HFM1: variants seen among roughly 807,000 people sequenced by gnomAD.
HFM1 encodes the protein helicase for meiosis 1.
Under a neutral mutation model 192.1 loss-of-function variants are expected in HFM1, and 169 were observed. The ratio of observed to expected loss-of-function variants is 0.88; its 90% CI spans 0.78 to 1.00. The LOEUF is 1.00. Among genes scored for constraint, HFM1 ranks in the 50% least tolerant of loss-of-function variants. The pLI is 0.00. For synonymous variants in HFM1, 525 were observed against 537.8 expected, an observed-to-expected ratio of 0.98 and a Z score of 0.33; for missense variants, 1,661 against 1,668.0, an observed-to-expected ratio of 1.00 and a Z score of 0.07.
At chr1:91,350,937 TAATAA>T (rs1465851777) in intron 17 of HFM1, 66 bp from the exon 18 acceptor site, 2 of 1,304,554 alleles carry the variant, frequency 1.5e-6, no homozygotes, top group Admixed American at 4.3e-5. Context: ...TTTTTAACTT[TAATAA>T]TATAGAATAT....
intron 18 of HFM1, among the ~76,000 whole-genome samples, chr1:91,348,756 C>T (rs756288673): frequency 4.0e-5 from 6 of 151,666 alleles, no homozygotes; most frequent in Non-Finnish European, 8.8e-5. Flanking sequence ...TCTGCCTCTA[C>T]AATTTTTTTT....
chr1:91,326,322 C>T (rs970331945), intron 20 of HFM1, among the ~76,000 whole-genome samples: 1 of 152,124 alleles, frequency 6.6e-6, no homozygotes, highest in African/African-American at 2.4e-5. Context: ...ATTTAATAAT[C>T]AAACTCCCAA....
At chr1:91,293,119 T>A (rs1366327087) in intron 30 of HFM1, among the ~76,000 whole-genome samples, 3 of 152,144 alleles carry the variant, frequency 2.0e-5, no homozygotes, top group Admixed American at 6.5e-5. Flanking sequence ...AACCTAGGCA[T>A]TACCATTCAG....
At chr1:91,357,894 G>A (rs1171766350) in intron 13 of HFM1, among the ~76,000 whole-genome samples, 1 of 152,052 alleles carries the variant, frequency 6.6e-6, no homozygotes. Context: ...TAATTAAGGA[G>A]GTAAAAGATC....
chr1:91,389,336 A>G (rs1456116928), intron 4 of HFM1, among the ~76,000 whole-genome samples: 3 of 151,748 alleles, frequency 2.0e-5, no homozygotes. Context: ...TAATTTTCGT[A>G]TTTTTAGTAG....
intron 25 of HFM1, among the ~76,000 whole-genome samples, chr1:91,318,456 T>C (rs983631589): frequency 6.6e-6 from 1 of 152,212 alleles, no homozygotes; most frequent in Non-Finnish European, 1.5e-5. Context: ...TTTAGAATTC[T>C]AGCTATCTAA....
intron 30 of HFM1, among the ~76,000 whole-genome samples, chr1:91,290,022 C>A (rs868219796): frequency 2.6e-5 from 4 of 152,072 alleles, no homozygotes; most frequent in Non-Finnish European, 5.9e-5. Flanking sequence ...CACCACCAGG[C>A]CTGCCCTAAA....
chr1:91,402,032 C>T (rs1234163274), intron 1 of HFM1, among the ~76,000 whole-genome samples: 2 of 152,042 alleles, frequency 1.3e-5, no homozygotes, highest in African/African-American at 4.8e-5. Flanking sequence ...ATATGACAAA[C>T]CATAAAATCA....
At chr1:91,399,780 C>T (rs137879356) in intron 2 of HFM1, among the ~76,000 whole-genome samples, 35 of 152,334 alleles carry the variant, frequency 2.3e-4, no homozygotes, top group African/African-American at 6.7e-4. Flanking sequence ...TACTCCAAGA[C>T]GACCTTCCTT....
At chr1:91,385,067 A>G in intron 6 of HFM1, 120 bp downstream of exon 6, 3 of 715,010 alleles carry the variant, frequency 4.2e-6, no homozygotes, top group Non-Finnish European at 7.1e-6. Flanking sequence ...CAACACCAAA[A>G]AGATTAATTT....
chr1:91,290,072 T>C (rs538898628), intron 30 of HFM1, among the ~76,000 whole-genome samples: 1 of 151,836 alleles, frequency 6.6e-6, no homozygotes, highest in Non-Finnish European at 1.5e-5. Flanking sequence ...AAAGGAACAA[T>C]CGGTACCAGC....
At chr1:91,290,960 A>T (rs983942237) in intron 30 of HFM1, among the ~76,000 whole-genome samples, 2 of 152,244 alleles carry the variant, frequency 1.3e-5, no homozygotes, top group Non-Finnish European at 2.9e-5. Context: ...TACTGGGTAC[A>T]TAACGAAATG....
intron 23 of HFM1, among the ~76,000 whole-genome samples, chr1:91,321,100 G>A (rs1010689807): frequency 6.6e-6 from 1 of 152,050 alleles, no homozygotes; most frequent in Non-Finnish European, 1.5e-5. Flanking sequence ...TGCTGAAGAG[G>A]GAAGACCTAG....
intron 2 of HFM1, among the ~76,000 whole-genome samples, chr1:91,400,253 T>C: frequency 6.6e-6 from 1 of 152,132 alleles, no homozygotes; most frequent in Admixed American, 6.5e-5. Flanking sequence ...TACTCTCTAG[T>C]CTTGTTTTCT....
At chr1:91,369,156 T>G (rs1041599688) in intron 13 of HFM1, among the ~76,000 whole-genome samples, 1 of 152,060 alleles carries the variant, frequency 6.6e-6, no homozygotes, top group Non-Finnish European at 1.5e-5. Context: ...AATGGGAGAC[T>G]TTCACACCCC....
upstream of HFM1, among the ~76,000 whole-genome samples, chr1:91,406,269 C>T (rs917278540): frequency 1.3e-5 from 2 of 152,202 alleles, no homozygotes; most frequent in Non-Finnish European, 2.9e-5. Context: ...GCCACCCAGC[C>T]TATGGTAATT....
At chr1:91,403,706 T>C (rs1315168009) in intron 1 of HFM1, among the ~76,000 whole-genome samples, 1 of 152,236 alleles carries the variant, frequency 6.6e-6, no homozygotes, top group African/African-American at 2.4e-5. Context: ...TCTGCTATAA[T>C]CACTGTTAAA....
chr1:91,291,132 A>G (rs1482621633), intron 30 of HFM1, among the ~76,000 whole-genome samples: 1 of 152,208 alleles, frequency 6.6e-6, no homozygotes, highest in Admixed American at 6.5e-5. Flanking sequence ...TAACATCACA[A>G]TTAAAAGAAC....
At chr1:91,300,372 C>G (rs1399647133) in intron 30 of HFM1, among the ~76,000 whole-genome samples, 1 of 152,200 alleles carries the variant, frequency 6.6e-6, no homozygotes, top group South Asian at 2.1e-4. Flanking sequence ...GGAGCTGGTA[C>G]CATTCCTTCT....
Sources: allele counts gnomAD v4.1 joint callset (sites outside exome capture counted in the v4.1 genomes callset), GRCh38; gene constraint gnomAD v4.1.1; transcripts MANE v1.5; gene names NCBI Gene and HGNC (gene_info 2026-07-23, HGNC 2026-07-21).